The following KIF20B variants were observed in gnomAD, a reference collection of about 807,000 sequenced individuals.
KIF20B encodes the protein kinesin family member 20B.
KIF20B carries 188 observed loss-of-function variants against 232.5 expected under a neutral mutation model. The observed-to-expected ratio is 0.81, with a 90% CI of 0.72 to 0.91. KIF20B has a LOEUF of 0.91. Among genes scored for constraint, KIF20B ranks in the 40% least tolerant of loss-of-function variants. KIF20B has a pLI of 0.00. For missense variants in KIF20B, 2,154 were observed against 2,055.9 expected (o/e 1.05, Z -0.92); for synonymous variants, 712 against 683.0 (o/e 1.04, Z -0.66).
chr10:89,745,226 C>G (rs1033354641), intron 22 of KIF20B, among the ~76,000 whole-genome samples: 1 of 152,004 alleles, frequency 6.6e-6, no homozygotes, highest in South Asian at 2.1e-4. Flanking sequence ...CGGGTCATAA[C>G]GTAGATTAAA....
At chr10:89,720,518 T>A (rs7074093) in intron 13 of KIF20B, among the ~76,000 whole-genome samples, 37,259 of 152,076 alleles carry the variant, frequency 0.25, 4,701 homozygotes, top group African/African-American at 0.3. Context: ...ATCCTTTCAC[T>A]AAGTGATTTT....
intron 22 of KIF20B, among the ~76,000 whole-genome samples, chr10:89,744,628 G>C (rs1381921292): frequency 6.6e-6 from 1 of 152,030 alleles, no homozygotes; most frequent in African/African-American, 2.4e-5. Flanking sequence ...TTTTAAAAAT[G>C]ATATTTAAAA....
rs921186546 is a variant in KIF20B at position 89,768,850 on chromosome 10, A to G, written c.5204A>G (p.Asp1735Gly). The change falls in exon 31 of 33, where the codon GAC (aspartate) becomes GGC (glycine). Residue 1735 changes from aspartate (D) to glycine (G), a missense_variant. Asp to Gly is a moderately conservative substitution (Grantham distance 94, BLOSUM62 -1). Transcript: ENST00000371728. ...GAAGGAACACTACAGAAATTTGGAG[A>G]CTTCTTACAACATTCTCCCTCAATT... ...KKEGTLQKFG[D>G]FLQHSPSILQ... is the part of the protein sequence containing the mutation. 6.2e-7 allele frequency: 1 copy of G among 1,604,952 alleles called. No homozygotes were observed. The highest frequency in any genetic ancestry group is 8.5e-7 in the Non-Finnish European group (1 of 1,176,922).
rs1404052937 is a variant in KIF20B, at chr10:89,727,836, A to G, written c.2231-20A>G. 2 of 1,532,266 alleles carry G rather than the reference A, an allele frequency of 1.3e-6. No homozygotes were observed. The highest frequency in any genetic ancestry group is 1.8e-5 in the Admixed American group (1 of 54,626). 94.9% of individuals were successfully genotyped at this position (1,532,266 alleles called of 1,614,324 possible). ...TTTAGATGCTTAGATATTTATTTTCAATGTTCTTTATTTTTTCAGAATCAG... is the reference window on the plus strand; with the variant it reads ...TTTAGATGCTTAGATATTTATTTTCGATGTTCTTTATTTTTTCAGAATCAG... On this transcript the variant is annotated intron_variant, in intron 16 of 32. Coordinates refer to ENST00000371728, the MANE Select transcript of KIF20B (RefSeq NM_001284259.2).
chr10:89,750,564 A>G (rs72818770), intron 23 of KIF20B, among the ~76,000 whole-genome samples: 25,981 of 152,120 alleles, frequency 0.17, 2,636 homozygotes, highest in Non-Finnish European at 0.23. Context: ...AGATTGAGCT[A>G]TGCATTTATA....
chr10:89,748,585 A>T (rs771792136), intron 23 of KIF20B, among the ~76,000 whole-genome samples: 6 of 152,158 alleles, frequency 3.9e-5, no homozygotes, highest in Non-Finnish European at 8.8e-5. Flanking sequence ...ATGTGAAAAT[A>T]TATCTCTGCA....
At chr10:89,704,410 A>G (rs753782827) in intron 1 of KIF20B, among the ~76,000 whole-genome samples, 1 of 152,200 alleles carries the variant, frequency 6.6e-6, no homozygotes, top group Non-Finnish European at 1.5e-5. Context: ...TTGATGTTTA[A>G]TTCAATGGTA....
chr10:89,764,269 G>A (rs1842307373), intron 29 of KIF20B, among the ~76,000 whole-genome samples: 1 of 151,882 alleles, frequency 6.6e-6, no homozygotes. Context: ...GTGTATATGT[G>A]CCACATTTTC....
intron 26 of KIF20B, among the ~76,000 whole-genome samples, chr10:89,756,899 C>G (rs1842130008): frequency 6.6e-6 from 1 of 151,678 alleles, no homozygotes; most frequent in Non-Finnish European, 1.5e-5. Flanking sequence ...ATGAATAAAC[C>G]ACTGCTAATT....
At position 89,738,229 on chromosome 10, in the gene KIF20B, GA is replaced by G; in HGVS notation, c.3395del (p.Asn1132MetfsTer11). 1.3e-6 allele frequency: 2 copies of G among 1,599,728 alleles called. No homozygotes were observed. Among genetic ancestry groups the G allele is most frequent in the Non-Finnish European group, 1.7e-6 (2 of 1,176,808 alleles). On this transcript the variant is annotated frameshift_variant, in exon 20 of 33. Coordinates refer to ENST00000371728, the MANE Select transcript of KIF20B (RefSeq NM_001284259.2). LOFTEE classifies it high-confidence loss of function. ...LIQQLKEELQEKNVTLDVQIQ... is the reference protein window; with the variant it reads ...LIQQLKEELQXKNVTLDVQIQ... Reference sequence around the variant, plus strand: ...ACAGCAGCTGAAAGAAGAATTGCAAGAAAAAAATGTTACTCTTGATGTTCAA... The same window carrying G: ...ACAGCAGCTGAAAGAAGAATTGCAAGAAAAAATGTTACTCTTGATGTTCAA...
At chr10:89,728,781 G>T (rs1302240078) in intron 17 of KIF20B, among the ~76,000 whole-genome samples, 2 of 151,030 alleles carry the variant, frequency 1.3e-5, no homozygotes, top group East Asian at 3.9e-4. Flanking sequence ...AAAGTGCTGG[G>T]ATTACAGGCA....
chr10:89,744,782 A>G (rs1841876465), intron 22 of KIF20B, among the ~76,000 whole-genome samples: 1 of 142,204 alleles, frequency 7.0e-6, no homozygotes, highest in Non-Finnish European at 1.5e-5. Context: ...AGGTATAAAT[A>G]CATGATTTTA....
chr10:89,758,851 T>C lies in KIF20B; in HGVS notation c.4649T>C (p.Leu1550Pro). 3.8e-6 allele frequency: 6 copies of C among 1,591,942 alleles called. No individual in the cohort carries two copies. The highest frequency in any genetic ancestry group is 2.3e-5 in the East Asian group (1 of 43,896). The change falls in exon 27 of 33, where the codon CTA becomes CCA. Residue 1550 changes from leucine to proline, a missense_variant. Coordinates refer to ENST00000371728, the MANE Select transcript of KIF20B (RefSeq NM_001284259.2). ...NVQKDNEIEQ[L>P]KRIISETSKI... ...CAGAAAGATAATGAAATTGAACAAC[T>C]AAAAAGGATCATATCAGAGACTTCT...
In KIF20B at chr10:89,738,946, T is replaced by TA; in HGVS notation, c.3777-11dup. ...GATGCATTACCATAGAAAAGTGGTT[T>TA]ATGTTTTTTAGATTGAAAGAGGAAC... On this transcript the variant is annotated splice_polypyrimidine_tract_variant and intron_variant, in intron 20 of 32. Transcript: ENST00000371728. The TA allele has an allele frequency of 6.2e-7, 1 of 1,607,076 alleles. No individual in the cohort carries two copies. Among genetic ancestry groups the TA allele is most frequent in the Non-Finnish European group, 8.5e-7 (1 of 1,178,206 alleles).
At position 89,752,645 on chromosome 10, in the gene KIF20B, A is replaced by G; in HGVS notation, c.4301A>G (p.Asn1434Ser). 3.7e-6 allele frequency: 6 copies of G among 1,601,268 alleles called. No homozygotes were observed. Among genetic ancestry groups the G allele is most frequent in the Non-Finnish European group, 4.3e-6 (5 of 1,174,268 alleles). ...NQRSNKEHEN[N>S]TDVLGKLTNL... Reference sequence around the variant, plus strand: ...AGGTCAAATAAAGAACATGAGAACAACACAGATGTGCTTGGAAAGCTCACT... The same window carrying G: ...AGGTCAAATAAAGAACATGAGAACAGCACAGATGTGCTTGGAAAGCTCACT... Residue 1434 changes from asparagine to serine, a missense_variant, in exon 25 of 33, where the codon AAC becomes AGC. Coordinates refer to ENST00000371728, the MANE Select transcript of KIF20B (RefSeq NM_001284259.2).
In KIF20B at chr10:89,760,595, C is replaced by A. The variant is rs1842218703; in HGVS notation, c.4750C>A (p.Pro1584Thr). ...AGATCCTGACAAACTTCAAACTGAA[C>A]CTCTATCGACAAGTTTTGAAATTTC... ...SADPDKLQTE[P>T]LSTSFEISRN... The change falls in exon 28 of 33, where the codon CCT becomes ACT. Residue 1584 changes from proline to threonine, a missense_variant. By Grantham distance (38) the Pro-to-Thr change is conservative. Transcript: ENST00000371728. The A allele has an allele frequency of 6.2e-7, 1 of 1,612,390 alleles. No individual in the cohort carries two copies. Among genetic ancestry groups the A allele is most frequent in the African/African-American group, 1.3e-5 (1 of 74,996 alleles).
intron 17 of KIF20B, among the ~76,000 whole-genome samples, chr10:89,728,289 T>A (rs1843232838): frequency 6.6e-6 from 1 of 152,172 alleles, no homozygotes; most frequent in African/African-American, 2.4e-5. Context: ...TACCTTAAGC[T>A]ATATAAATAG....
intron 19 of KIF20B, among the ~76,000 whole-genome samples, chr10:89,735,574 T>C (rs1420667967): frequency 2.9e-5 from 4 of 138,574 alleles, no homozygotes; most frequent in African/African-American, 8.1e-5. Flanking sequence ...AGTCTTCCTC[T>C]GTCACCAGGC....
At chr10:89,749,271 T>A (rs1564671007) in intron 23 of KIF20B, among the ~76,000 whole-genome samples, 1 of 152,222 alleles carries the variant, frequency 6.6e-6, no homozygotes, top group Admixed American at 6.5e-5. Flanking sequence ...CAAACAAAAC[T>A]ATATCTTTAA....
Sources: gnomAD v4.1 joint callset for allele counts (sites outside exome capture counted in the v4.1 genomes callset) on GRCh38, gnomAD v4.1.1 for gene constraint, MANE v1.5 for transcripts, NCBI Gene and HGNC (gene_info 2026-07-23, HGNC 2026-07-21) for gene names.